The following LARS1 variants were observed in gnomAD, a reference collection of about 807,000 sequenced individuals.
The protein encoded by LARS1 is leucine--tRNA ligase, cytoplasmic.
LARS1 carries 100 observed loss-of-function variants against 162.8 expected under a neutral mutation model. That is an observed-to-expected ratio of 0.61 (90% CI 0.52 to 0.73). The LOEUF (loss-of-function observed/expected upper bound fraction) is 0.73. Ranked by LOEUF, LARS1 falls within the 30% of genes least tolerant of loss-of-function variation. The pLI is 0.00. For missense variants in LARS1, 1,258 were observed against 1,408.9 expected (o/e 0.89, Z 1.71); for synonymous variants, 457 against 462.8 (o/e 0.99, Z 0.16).
chr5:146,157,299 T>C (rs1203320066), intron 10 of LARS1, 104 bp downstream of exon 10: 1 of 967,406 alleles, frequency 1.0e-6, no homozygotes, highest in Non-Finnish European at 1.6e-6. Flanking sequence ...TTACTGCATG[T>C]ACACCTCATT....
intron 2 of LARS1, among the ~76,000 whole-genome samples, chr5:146,175,744 C>A (rs1427201806): frequency 6.7e-6 from 1 of 149,988 alleles, no homozygotes; most frequent in Non-Finnish European, 1.5e-5. Flanking sequence ...AGGAGAATGG[C>A]GTGAACCCGG....
intron 5 of LARS1, among the ~76,000 whole-genome samples, chr5:146,167,548 C>T (rs1202100234): frequency 3.9e-5 from 6 of 152,070 alleles, no homozygotes; most frequent in South Asian, 2.1e-4. Flanking sequence ...GGAATACAGG[C>T]GCCCACCACC....
chr5:146,178,312 T>C (rs1268342691), intron 1 of LARS1, among the ~76,000 whole-genome samples: 1 of 151,812 alleles, frequency 6.6e-6, no homozygotes, highest in Non-Finnish European at 1.5e-5. Flanking sequence ...GAACTGTTCA[T>C]ATGAAATTTA....
rs1458892563 is a variant in LARS1 at position 146,113,700 on chromosome 5, T to G, written c.*406A>C. The G allele has an allele frequency of 6.5e-6, 1 of 154,832 alleles. No individual in the cohort carries two copies. The highest frequency in any genetic ancestry group is 1.4e-5 in the Non-Finnish European group (1 of 69,892). 9.6% of individuals were successfully genotyped at this position (154,832 alleles called of 1,614,324 possible). The stretch of plus-strand genomic sequence containing the variant: ...GCTGCTAATTTACTACTTTTCTTTT[T>G]TAAAAAAAAATACAGCTAACTCCAT... On this transcript the variant is annotated 3_prime_UTR_variant, in exon 32 of 32. Transcript: ENST00000394434.
At chr5:146,173,231 T>C (rs1754355959) in intron 2 of LARS1, among the ~76,000 whole-genome samples, 1 of 151,918 alleles carries the variant, frequency 6.6e-6, no homozygotes, top group African/African-American at 2.4e-5. Flanking sequence ...TCCCAGCTAC[T>C]CTAGTGGTTA....
chr5:146,122,753 TTA>T (rs1751882799), intron 29 of LARS1, among the ~76,000 whole-genome samples, 166 bp from the exon 30 acceptor site: 2 of 152,098 alleles, frequency 1.3e-5, no homozygotes, highest in East Asian at 3.8e-4. Flanking sequence ...CTGTAATCAG[TTA>T]TTTAACATTC....
At position 146,128,646 on chromosome 5, in the gene LARS1, G is replaced by A. The variant is rs1377482405; in HGVS notation, c.2880+26C>T. The A allele has an allele frequency of 5.5e-6, 8 of 1,455,242 alleles. 1 individual carries two copies. The South Asian group carries it at 9.3e-5, about 17-fold the overall frequency. 90.1% of individuals were successfully genotyped at this position (1,455,242 alleles called of 1,614,324 possible). ...ATAGGGAGCATACAACACCATCAGGGGGGAAAAGTCTACTGAGAGCATCAC... is the reference window on the plus strand; with the variant it reads ...ATAGGGAGCATACAACACCATCAGGAGGGAAAAGTCTACTGAGAGCATCAC... On this transcript the variant is annotated intron_variant, in intron 27 of 31. Coordinates refer to ENST00000394434, the MANE Select transcript of LARS1 (RefSeq NM_020117.11).
intron 31 of LARS1, among the ~76,000 whole-genome samples, chr5:146,119,361 T>C (rs749275170): frequency 2.6e-5 from 4 of 152,142 alleles, no homozygotes; most frequent in Non-Finnish European, 5.9e-5. Flanking sequence ...ACAAAATAAA[T>C]GACAGAATGA....
intron 21 of LARS1, 59 bp from the exon 22 acceptor site, chr5:146,135,723 G>T: frequency 8.0e-7 from 1 of 1,244,334 alleles, no homozygotes; most frequent in Non-Finnish European, 1.1e-6. Flanking sequence ...AACCAAATGA[G>T]CCAAATAAAA....
At chr5:146,161,246 A>T (rs536248891) in intron 6 of LARS1, among the ~76,000 whole-genome samples, 1 of 152,322 alleles carries the variant, frequency 6.6e-6, no homozygotes, top group East Asian at 1.9e-4. Flanking sequence ...GTGCTGGTGG[A>T]GAGTCTTGCC....
At chr5:146,140,169 A>C in intron 21 of LARS1, 35 bp downstream of exon 21, 1 of 1,539,738 alleles carries the variant, frequency 6.5e-7, no homozygotes, top group Non-Finnish European at 9.0e-7. Context: ...AGCCTTCCAC[A>C]GAATTTTAAA....
chr5:146,149,068 T>C (rs2063062367), intron 15 of LARS1, among the ~76,000 whole-genome samples: 1 of 150,978 alleles, frequency 6.6e-6, no homozygotes, highest in Non-Finnish European at 1.5e-5. Flanking sequence ...AGAGCGAAAC[T>C]CCATCTCAAA....
At chr5:146,151,285 T>G (rs187250733) in intron 14 of LARS1, among the ~76,000 whole-genome samples, 67 of 152,266 alleles carry the variant, frequency 4.4e-4, no homozygotes, top group African/African-American at 1.5e-3. Flanking sequence ...TAAAAAACAT[T>G]CTTGTTGATG....
chr5:146,144,578 G>A lies in LARS1; in HGVS notation c.1590-41C>T, dbSNP rs900596120. The A allele has an allele frequency of 4.3e-6, 7 of 1,612,006 alleles. No homozygotes were observed. In the African/African-American group the frequency reaches 5.3e-5, roughly 12 times the overall value. On this transcript the variant is annotated intron_variant, in intron 16 of 31. Transcript: ENST00000394434. ...TTGATATGTTTTTTTTTAAGTCAAA[G>A]GTGAGCAAATTGACTAGGGGAATTT...
Position 146,181,857 on chromosome 5 carries a change from T to TTTTC in LARS1, c.6+630_6+631insGAAA, listed in dbSNP as rs1581102863. Among the ~76,000 whole-genome samples the TTTTC allele has an allele frequency of 5.8e-5, 6 of 103,648 alleles. No homozygotes were observed. The East Asian group carries it at 8.6e-4, about 15-fold the overall frequency. The allele number at this position is 103,648 out of a possible 152,430, so 68.0% of individuals were successfully genotyped here. On this transcript the variant is annotated intron_variant, in intron 1 of 31. Transcript: ENST00000394434. ...AGGCGCTCAATTTTTTCTTTTTTTT[T>TTTTC]TTTTTTTTTTTTTTTTTTTTTTGCT...
chr5:146,126,519 G>A lies in LARS1; in HGVS notation c.2907C>T (p.Asn969=). 6.2e-7 allele frequency: 1 copy of A among 1,612,024 alleles called. No individual in the cohort carries two copies. Among genetic ancestry groups the A allele is most frequent in the Non-Finnish European group, 8.5e-7 (1 of 1,178,598 alleles). The change falls in exon 28 of 32, where the codon AAC becomes AAT. Residue 969 remains asparagine (N), a synonymous_variant. Transcript: ENST00000394434. ...TGCCTAGTTCACTAGCAATGACTTT[G>A]TTGTCAGGCAGTTTTCCGTTATTGG... ...FEANNGKLPD[N]KVIASELGSM...
chr5:146,125,186 C>T (rs1242595428), intron 28 of LARS1, among the ~76,000 whole-genome samples: 1 of 152,048 alleles, frequency 6.6e-6, no homozygotes, highest in Non-Finnish European at 1.5e-5. Flanking sequence ...ACCAATGACA[C>T]TAGCCACTGG....
intron 2 of LARS1, among the ~76,000 whole-genome samples, chr5:146,175,961 C>T (rs1031328508): frequency 1.1e-4 from 16 of 152,000 alleles, no homozygotes; most frequent in Non-Finnish European, 2.1e-4. Context: ...TTGAGACCAG[C>T]CTGGGCAACA....
rs770706924 is a variant in LARS1 at position 146,157,741 on chromosome 5, G to A, written c.826C>T (p.Pro276Ser). Reference sequence around the variant, plus strand: ...TGGCAAACCTACCTTAATTTAGATGGGTATGGCTCAAGCACCTTCAATTTG... The same window carrying A: ...TGGCAAACCTACCTTAATTTAGATGAGTATGGCTCAAGCACCTTCAATTTG... ...LLKLKVLEPY[P>S]SKLSGLKGKN... Residue 276 changes from proline to serine, a missense_variant, in exon 9 of 32, where the codon CCA becomes TCA. Pro to Ser is a moderately conservative substitution (Grantham distance 74). Coordinates refer to ENST00000394434, the MANE Select transcript of LARS1 (RefSeq NM_020117.11). The A allele has an allele frequency of 2.5e-6, 4 of 1,613,888 alleles. No individual in the cohort carries two copies. In the African/African-American group the frequency reaches 4.0e-5, roughly 16 times the overall value.
Sources: gnomAD v4.1 joint callset for allele counts (sites outside exome capture counted in the v4.1 genomes callset) on GRCh38, gnomAD v4.1.1 for gene constraint, MANE v1.5 for transcripts, NCBI Gene and HGNC (gene_info 2026-07-23, HGNC 2026-07-21) for gene names.